SHB: variants seen among roughly 807,000 people sequenced by gnomAD.
The protein encoded by SHB is SH2 domain containing adaptor protein B, also known as SH2 domain-containing adapter protein B.
A neutral mutation model predicts 52.3 loss-of-function variants in SHB; 20 were observed. That is an observed-to-expected ratio of 0.38 (90% CI 0.27 to 0.56). The LOEUF (loss-of-function observed/expected upper bound fraction) is 0.56. Among genes scored for constraint, SHB ranks in the 20% least tolerant of loss-of-function variants. The pLI, the probability that SHB is intolerant of heterozygous loss-of-function variation, is 0.71. For synonymous variants in SHB, 397 were observed against 316.5 expected (o/e 1.25, Z -2.70); for missense variants, 825 against 723.3 (o/e 1.14, Z -1.61).
chr9:38,042,945 G>C (rs535690389), intron 1 of SHB, among the ~76,000 whole-genome samples: 3 of 151,936 alleles, frequency 2.0e-5, no homozygotes, highest in African/African-American at 4.8e-5. Flanking sequence ...AAACTCCCCC[G>C]GTCTGCCAGA....
intron 5 of SHB, among the ~76,000 whole-genome samples, chr9:37,929,871 G>A (rs999424770): frequency 1.3e-5 from 2 of 152,222 alleles, no homozygotes; most frequent in Non-Finnish European, 1.5e-5. Flanking sequence ...AGGCCAATGC[G>A]GGAGAATTTC....
intron 2 of SHB, among the ~76,000 whole-genome samples, chr9:37,978,989 T>C (rs1358858699): frequency 7.2e-5 from 11 of 152,168 alleles, no homozygotes; most frequent in Admixed American, 7.2e-4. Context: ...GCATCTTCTC[T>C]CCTGGGAGAG....
rs371161844 is a variant in SHB, at chr9:37,916,762, C to T, written c.*3059G>A. Among the ~76,000 whole-genome samples, 3 of 152,168 alleles carry T rather than the reference C, an allele frequency of 2.0e-5. No homozygotes were observed. Among genetic ancestry groups the T allele is most frequent in the African/African-American group, 7.2e-5 (3 of 41,452 alleles). On this transcript the variant is annotated 3_prime_UTR_variant, in exon 6 of 6. Coordinates refer to ENST00000377707, the MANE Select transcript of SHB (RefSeq NM_003028.3). ...GACTGGCAGGCGGTGGGGCCCTCTT[C>T]CCCTACAAAGCCTCCTTTCTTTCTG...
At chr9:37,936,228 A>C (rs546448732) in intron 5 of SHB, among the ~76,000 whole-genome samples, 48 of 152,214 alleles carry the variant, frequency 3.2e-4, no homozygotes, top group Non-Finnish European at 2.4e-4. Flanking sequence ...AAAACAAAAC[A>C]AAACCAAACA....
At chr9:37,995,845 C>T (rs1449686039) in intron 2 of SHB, among the ~76,000 whole-genome samples, 2 of 152,104 alleles carry the variant, frequency 1.3e-5, no homozygotes, top group South Asian at 2.1e-4. Context: ...CACTCCCTTA[C>T]GTTTGCCAGA....
chr9:37,945,417 G>A lies in SHB; in HGVS notation c.1346+3218C>T, dbSNP rs73455519. Among the ~76,000 whole-genome samples, 1,367 of 152,270 alleles carry A rather than the reference G, an allele frequency of 9.0e-3. 21 individuals are homozygous for A. Among genetic ancestry groups the A allele is most frequent in the African/African-American group, 0.03 (1,264 of 41,544 alleles). ...CCAACCAGCAGCTGGACTGGCCATC[G>A]GGAGCTGGGGCTCCTCTGGGAAGCA... On this transcript the variant is annotated intron_variant, in intron 5 of 5. Transcript: ENST00000377707.
In SHB at chr9:37,975,056, G is replaced by A. The variant is rs114163320; in HGVS notation, c.839-219C>T. ...GCTCACAAGGCTCACATGCTCGCAG[G>A]CCTAATGACAGCCCTGCCTCCATCC... On this transcript the variant is annotated intron_variant, in intron 2 of 5. Transcript: ENST00000377707. 3.6e-3 allele frequency among the ~76,000 whole-genome samples: 553 copies of A among 152,296 alleles called. 5 individuals are homozygous for A. The highest frequency in any genetic ancestry group is 0.013 in the African/African-American group (531 of 41,562).
At chr9:37,930,371 C>T (rs1042725236) in intron 5 of SHB, among the ~76,000 whole-genome samples, 2 of 151,916 alleles carry the variant, frequency 1.3e-5, no homozygotes, top group African/African-American at 4.8e-5. Context: ...GACCAGCAGA[C>T]TAGAGTCTGC....
chr9:37,982,779 ACAAGAG>A (rs1219328950), intron 2 of SHB, among the ~76,000 whole-genome samples: 1 of 152,222 alleles, frequency 6.6e-6, no homozygotes, highest in Admixed American at 6.5e-5. Flanking sequence ...AGCCTGCGCA[ACAAGAG>A]CAAAACTCTG....
intron 2 of SHB, among the ~76,000 whole-genome samples, chr9:37,982,776 G>A (rs560937910): frequency 3.3e-5 from 5 of 151,886 alleles, no homozygotes; most frequent in Admixed American, 2.0e-4. Flanking sequence ...TCCAGCCTGC[G>A]CAACAAGAGC....
chr9:38,000,066 C>G (rs958699472), intron 2 of SHB, among the ~76,000 whole-genome samples: 2 of 152,232 alleles, frequency 1.3e-5, no homozygotes, highest in Non-Finnish European at 2.9e-5. Context: ...TTTCCACAGG[C>G]CCAGGGCTGG....
intron 2 of SHB, among the ~76,000 whole-genome samples, chr9:37,998,286 C>G (rs1343111420): frequency 1.3e-5 from 2 of 152,126 alleles, no homozygotes; most frequent in Non-Finnish European, 2.9e-5. Context: ...TCCTGCTGGC[C>G]TGGGCTTCCT....
chr9:37,973,881 G>C (rs1820621714), intron 3 of SHB, among the ~76,000 whole-genome samples: 1 of 152,198 alleles, frequency 6.6e-6, no homozygotes, highest in Admixed American at 6.5e-5. Flanking sequence ...CACTGGGTGG[G>C]ATCAATGGGC....
intron 2 of SHB, among the ~76,000 whole-genome samples, chr9:37,984,032 T>C (rs1014102930): frequency 6.6e-6 from 1 of 152,190 alleles, no homozygotes. Context: ...AGTTTCTTCA[T>C]CTCTAGAGGG....
chr9:37,976,647 T>G (rs1214717975), intron 2 of SHB, among the ~76,000 whole-genome samples: 1 of 152,216 alleles, frequency 6.6e-6, no homozygotes, highest in Non-Finnish European at 1.5e-5. Context: ...CAGGCTAATA[T>G]TCCATCATTA....
chr9:37,959,082 G>A (rs964376907), intron 3 of SHB, among the ~76,000 whole-genome samples: 1 of 152,192 alleles, frequency 6.6e-6, no homozygotes. Context: ...TGCTGGTGGA[G>A]GGTGGGTTTG....
intron 2 of SHB, among the ~76,000 whole-genome samples, chr9:38,005,007 G>C (rs1055051906): frequency 3.3e-5 from 5 of 152,208 alleles, no homozygotes; most frequent in African/African-American, 4.8e-5. Context: ...TTCTTCACCA[G>C]AAAGTTCCAG....
At position 37,924,541 on chromosome 9, in the gene SHB, GAC is replaced by G. The variant is rs1832223000; in HGVS notation, c.1347-4539_1347-4538del. On this transcript the variant is annotated intron_variant, in intron 5 of 5. Coordinates refer to ENST00000377707, the MANE Select transcript of SHB (RefSeq NM_003028.3). ...TGTGGGACCCAGTTACAGGACTCCA[GAC>G]ACAGAGGGGATTTCTGGTTTACCTT... Among the ~76,000 whole-genome samples, 13 of 152,324 alleles carry G rather than the reference GAC, an allele frequency of 8.5e-5. 3 individuals are homozygous for G. The highest frequency in any genetic ancestry group is 3.1e-4 in the African/African-American group (13 of 41,558).
At chr9:37,993,062 G>A (rs936598828) in intron 2 of SHB, among the ~76,000 whole-genome samples, 2 of 152,174 alleles carry the variant, frequency 1.3e-5, no homozygotes, top group African/African-American at 4.8e-5. Context: ...CGAGGTGAGC[G>A]ACAGGTGAAG....
Sources: allele counts gnomAD v4.1 joint callset (sites outside exome capture counted in the v4.1 genomes callset), GRCh38; gene constraint gnomAD v4.1.1; transcripts MANE v1.5; gene names NCBI Gene and HGNC (gene_info 2026-07-23, HGNC 2026-07-21).